HOGA1: variants seen among roughly 807,000 people sequenced by gnomAD.
HOGA1 encodes the protein 4-hydroxy-2-oxoglutarate aldolase 1.
Under a neutral mutation model 34.3 loss-of-function variants are expected in HOGA1, and 30 were observed. That is an observed-to-expected ratio of 0.87 (90% CI 0.65 to 1.19). HOGA1 has a LOEUF of 1.19. HOGA1 is among the 50% of genes most tolerant of loss of function. The probability of loss-of-function intolerance (pLI) is 0.00; values close to 1 mark genes in which losing one functional copy is unlikely to be tolerated. For synonymous variants in HOGA1, 161 were observed against 174.0 expected (o/e 0.93, Z 0.59); for missense variants, 417 against 436.5 (o/e 0.96, Z 0.40).
chr10:97,611,118 C>T (rs1020473763), intron 6 of HOGA1, among the ~76,000 whole-genome samples: 1 of 152,148 alleles, frequency 6.6e-6, no homozygotes, highest in African/African-American at 2.4e-5. Flanking sequence ...TTCCTGACTT[C>T]CCAGGTCTGG....
intron 1 of HOGA1, among the ~76,000 whole-genome samples, chr10:97,595,407 C>CT (rs2041060841): frequency 6.6e-6 from 1 of 152,224 alleles, no homozygotes; most frequent in Admixed American, 6.5e-5. Context: ...CAAAACAACT[C>CT]TGAGAGGCTG....
At chr10:97,598,559 G>A in intron 1 of HOGA1, among the ~76,000 whole-genome samples, 1 of 152,090 alleles carries the variant, frequency 6.6e-6, no homozygotes, top group East Asian at 1.9e-4. Context: ...GCAAGCTATG[G>A]TTGAGCCACT....
Position 97,611,770 on chromosome 10 carries a change from A to C in HOGA1, c.*111A>C. On this transcript the variant is annotated 3_prime_UTR_variant, in exon 7 of 7. Transcript: ENST00000370646. The stretch of plus-strand genomic sequence containing the variant: ...GAGGGTGGCAGGCAGCGGGGAGCCG[A>C]TAGAGGCTCCTTTGCCTGCTGTGGT... 7.5e-7 allele frequency: 1 copy of C among 1,333,176 alleles called. No individual in the cohort carries two copies. The highest frequency in any genetic ancestry group is 1.0e-6 in the Non-Finnish European group (1 of 966,130). The allele number at this position is 1,333,176 out of a possible 1,614,324, so 82.6% of individuals were successfully genotyped here. A position where few individuals can be genotyped will look rare whatever the true frequency, so the allele number is the denominator to read the frequency against.
chr10:97,594,168 CTTTTTTTTTTTTTT>C (rs71007354), intron 1 of HOGA1, among the ~76,000 whole-genome samples: 1 of 43,432 alleles, frequency 2.3e-5, no homozygotes, highest in Non-Finnish European at 3.9e-5. Flanking sequence ...TGCGCCTGGT[CTTTTTTTTTTTTTT>C]TTTTTTTTTT....
intron 6 of HOGA1, among the ~76,000 whole-genome samples, chr10:97,610,834 T>TA (rs1201317327): frequency 6.6e-6 from 1 of 152,074 alleles, no homozygotes; most frequent in African/African-American, 2.4e-5. Context: ...GAATAAATTA[T>TA]AACAATAGCT....
intron 1 of HOGA1, among the ~76,000 whole-genome samples, chr10:97,598,124 C>A (rs1264324854): frequency 6.6e-6 from 1 of 152,180 alleles, no homozygotes; most frequent in African/African-American, 2.4e-5. Flanking sequence ...AGAAAACATT[C>A]TTTTCTTCTT....
intron 6 of HOGA1, among the ~76,000 whole-genome samples, chr10:97,605,229 G>A (rs537475832): frequency 7.7e-4 from 117 of 151,978 alleles, no homozygotes; most frequent in African/African-American, 2.6e-3. Flanking sequence ...CGCAACATGG[G>A]GAGACTGTCT....
intron 1 of HOGA1, among the ~76,000 whole-genome samples, chr10:97,586,528 G>A (rs76971297): frequency 0.032 from 4,858 of 152,328 alleles, 130 homozygotes; most frequent in Middle Eastern, 0.088. Flanking sequence ...TGCTTGGCTC[G>A]TGGGGCCTGG....
At chr10:97,593,551 T>C (rs898862062) in intron 1 of HOGA1, among the ~76,000 whole-genome samples, 2 of 152,142 alleles carry the variant, frequency 1.3e-5, no homozygotes, top group African/African-American at 4.8e-5. Context: ...AGGAATGTAA[T>C]TTCTTTCCAG....
chr10:97,590,757 G>T, intron 1 of HOGA1: 1 of 632,638 alleles, frequency 1.6e-6, no homozygotes, highest in Non-Finnish European at 2.8e-6. Context: ...AACTCCATGA[G>T]TGGGGTCTGC....
At chr10:97,595,185 T>G (rs1450610993) in intron 1 of HOGA1, among the ~76,000 whole-genome samples, 1 of 152,086 alleles carries the variant, frequency 6.6e-6, no homozygotes, top group African/African-American at 2.4e-5. Context: ...TTCCTTTGTC[T>G]TACAGCTGGA....
At chr10:97,607,071 A>C (rs79731329) in intron 6 of HOGA1, among the ~76,000 whole-genome samples, 2 of 146,202 alleles carry the variant, frequency 1.4e-5, no homozygotes, top group Non-Finnish European at 1.5e-5. Context: ...GGAGTTTGAG[A>C]CCCACCTGGG....
At chr10:97,598,252 T>G (rs2135720959) in intron 1 of HOGA1, among the ~76,000 whole-genome samples, 1 of 152,322 alleles carries the variant, frequency 6.6e-6, no homozygotes, top group Non-Finnish European at 1.5e-5. Flanking sequence ...CCTCCTAAAG[T>G]GCTGAAATTA....
chr10:97,606,797 C>T (rs895110053), intron 6 of HOGA1, among the ~76,000 whole-genome samples: 1 of 152,064 alleles, frequency 6.6e-6, no homozygotes, highest in African/African-American at 2.4e-5. Context: ...CTTGCTGGGC[C>T]TTTGATCGAA....
At chr10:97,610,458 A>C (rs148126531) in intron 6 of HOGA1, among the ~76,000 whole-genome samples, 105 of 151,778 alleles carry the variant, frequency 6.9e-4, no homozygotes, top group African/African-American at 2.4e-3. Flanking sequence ...GCACAGTGAG[A>C]CCCTGTCTCA....
chr10:97,593,203 C>G (rs1160200690), intron 1 of HOGA1, among the ~76,000 whole-genome samples: 1 of 151,778 alleles, frequency 6.6e-6, no homozygotes, highest in Non-Finnish European at 1.5e-5. Flanking sequence ...GGGCCGAACA[C>G]GGCGGCTCAC....
rs2041089701 is a variant in HOGA1, at chr10:97,598,708, A to G, written c.212-67A>G. On this transcript the variant is annotated intron_variant, in intron 1 of 6. Coordinates refer to ENST00000370646, the MANE Select transcript of HOGA1 (RefSeq NM_138413.4). ...GTGAAAGATTATGGTGTCGTAAGGT[A>G]GGAACACCAATGTCCTAGTTGTTCG... The G allele has an allele frequency of 1.9e-6, 3 of 1,582,548 alleles. No individual in the cohort carries two copies. The African/African-American group carries it at 4.0e-5, about 21-fold the overall frequency.
Position 97,599,142 on chromosome 10 carries a change from G to A in HOGA1, c.394G>A (p.Ala132Thr), listed in dbSNP as rs1187011297. 7.4e-6 allele frequency: 12 copies of A among 1,613,680 alleles called. No homozygotes were observed. The highest frequency in any genetic ancestry group is 4.4e-5 in the South Asian group (4 of 91,092). ...TVSMAQVGAD[A>T]AMVVTPCYYR... ...CAGCATGGCCCAGGTCGGGGCTGAC[G>A]CGGCCATGGTGGTGACCCCTTGCTA... Residue 132 changes from alanine (A) to threonine (T), a missense_variant, in exon 3 of 7, where the codon GCG (alanine) becomes ACG (threonine). Physicochemically the swap from Ala to Thr is moderately conservative, Grantham distance 58 (BLOSUM62 0). Coordinates refer to ENST00000370646, the MANE Select transcript of HOGA1 (RefSeq NM_138413.4).
chr10:97,592,202 G>A (rs1298867906), intron 1 of HOGA1, among the ~76,000 whole-genome samples: 1 of 151,114 alleles, frequency 6.6e-6, no homozygotes, highest in Non-Finnish European at 1.5e-5. Context: ...ATTATCATTG[G>A]TGGAGGCTGG....
Sources: gnomAD v4.1 joint callset for allele counts (sites outside exome capture counted in the v4.1 genomes callset) on GRCh38, gnomAD v4.1.1 for gene constraint, MANE v1.5 for transcripts, NCBI Gene and HGNC (gene_info 2026-07-23, HGNC 2026-07-21) for gene names.